TENM3: variants seen among roughly 807,000 people sequenced by gnomAD.
TENM3 encodes the protein teneurin-3.
In TENM3, 63 loss-of-function variants were observed where a neutral mutation model predicts 255.1. The observed-to-expected ratio is 0.25, with a 90% confidence interval of 0.20 to 0.30. The LOEUF is 0.30. Ranked by LOEUF, TENM3 falls within the 10% of genes least tolerant of loss-of-function variation. The pLI, the probability that TENM3 is intolerant of heterozygous loss-of-function variation, is 1.00. For missense variants in TENM3, 2,929 were observed against 3,461.1 expected (o/e 0.85, Z 3.86); for synonymous variants, 1,306 against 1,322.3 (o/e 0.99, Z 0.27).
the TENM3 span, among the ~76,000 whole-genome samples, chr4:181,593,297 C>T: frequency 1.3e-5 from 2 of 152,100 alleles, no homozygotes; most frequent in Non-Finnish European, 2.9e-5. Flanking sequence ...CTGGACGCTT[C>T]CTAGGTTTTT....
intron 22 of TENM3, among the ~76,000 whole-genome samples, chr4:182,759,991 C>A (rs950225837): frequency 4.6e-5 from 7 of 152,140 alleles, no homozygotes; most frequent in African/African-American, 1.7e-4. Context: ...GTTTATAACT[C>A]AGCTTTGAAA....
chr4:182,752,114 A>G, intron 20 of TENM3, 82 bp downstream of exon 20: 5 of 892,078 alleles, frequency 5.6e-6, no homozygotes, highest in Non-Finnish European at 8.3e-6. Context: ...TTTAGTGCCT[A>G]GTCATGTTTA....
chr4:182,604,357 TAA>T (rs1748207237), intron 4 of TENM3, among the ~76,000 whole-genome samples: 1 of 152,246 alleles, frequency 6.6e-6, no homozygotes, highest in Non-Finnish European at 1.5e-5. Flanking sequence ...TCCCTATGTA[TAA>T]TACCAAGTGC....
the TENM3 span, among the ~76,000 whole-genome samples, chr4:181,899,768 A>G: frequency 6.6e-6 from 1 of 151,948 alleles, no homozygotes; most frequent in Non-Finnish European, 1.5e-5. Context: ...GGGTTTCACC[A>G]TGTTGGCCAG....
intron 1 of TENM3, among the ~76,000 whole-genome samples, chr4:182,199,154 T>G (rs1175553086): frequency 6.6e-6 from 1 of 152,256 alleles, no homozygotes; most frequent in African/African-American, 2.4e-5. Context: ...TGATCAGTAC[T>G]ATACCTGAAG....
chr4:181,751,446 G>A, the TENM3 span, among the ~76,000 whole-genome samples: 12 of 147,584 alleles, frequency 8.1e-5, no homozygotes, highest in South Asian at 2.1e-4. Context: ...AGAAACTGCC[G>A]TTTTCCCAGT....
At chr4:181,448,117 C>A in the TENM3 span, among the ~76,000 whole-genome samples, 1 of 147,148 alleles carries the variant, frequency 6.8e-6, no homozygotes, top group Non-Finnish European at 1.5e-5. Context: ...TAGCTGTTAT[C>A]AAGTGTCCAG....
At position 182,357,180 on chromosome 4, in the gene TENM3, G is replaced by A. The variant is rs371894448; in HGVS notation, c.511+10251G>A. On this transcript the variant is annotated intron_variant, in intron 3 of 27. Coordinates refer to ENST00000511685, the MANE Select transcript of TENM3 (RefSeq NM_001080477.4). ...GTGAACAGTGCCTCAATAAACATAC[G>A]TGTGCATGTGTCTTTATAGCAGCAT... Among the ~76,000 whole-genome samples the A allele has an allele frequency of 2.9e-3, 443 of 151,998 alleles. 1 individual carries two copies. The highest frequency in any genetic ancestry group is 1.0e-2 in the African/African-American group (414 of 41,454).
At chr4:181,960,954 T>C in the TENM3 span, among the ~76,000 whole-genome samples, 1 of 152,106 alleles carries the variant, frequency 6.6e-6, no homozygotes, top group African/African-American at 2.4e-5. Context: ...CCATTGCAGA[T>C]TGCTAATGGT....
chr4:181,656,861 G>T, the TENM3 span, among the ~76,000 whole-genome samples: 1 of 152,200 alleles, frequency 6.6e-6, no homozygotes, highest in Non-Finnish European at 1.5e-5. Flanking sequence ...AGCTAAAATA[G>T]ATTTGAGCTT....
In TENM3 at chr4:182,751,866, C is replaced by T; in HGVS notation, c.3696C>T (p.Asp1232=). 6.2e-7 allele frequency: 1 copy of T among 1,613,898 alleles called. No homozygotes were observed. The highest frequency in any genetic ancestry group is 2.2e-5 in the East Asian group (1 of 44,868). Residue 1232 remains aspartate, a synonymous_variant, in exon 20 of 28, where the codon GAC becomes GAT. Transcript: ENST00000511685. ...TCACGGGAGATCTGTACGTTTCTGA[C>T]ACAAACACCCGCAGAATTTATCGCC... ...DPVTGDLYVS[D]TNTRRIYRPK...
the TENM3 span, among the ~76,000 whole-genome samples, chr4:182,083,150 A>G: frequency 6.6e-6 from 1 of 152,350 alleles, no homozygotes; most frequent in African/African-American, 2.4e-5. Flanking sequence ...CTACAACTTA[A>G]TTAAATTATC....
intron 1 of TENM3, among the ~76,000 whole-genome samples, chr4:182,255,693 C>T (rs1418797172): frequency 6.6e-6 from 1 of 152,204 alleles, no homozygotes; most frequent in East Asian, 1.9e-4. Context: ...CCTGGGAGGT[C>T]ACACAGCCTG....
the TENM3 span, among the ~76,000 whole-genome samples, chr4:181,537,739 C>T: frequency 1.2e-4 from 18 of 152,298 alleles, no homozygotes; most frequent in Admixed American, 7.8e-4. Context: ...TAACAAGAGA[C>T]GGTGGCTAAG....
At chr4:181,468,245 G>T in the TENM3 span, among the ~76,000 whole-genome samples, 12 of 152,208 alleles carry the variant, frequency 7.9e-5, no homozygotes, top group African/African-American at 2.4e-4. Context: ...CTGCACTCCA[G>T]CCTGGGCCAC....
intron 4 of TENM3, among the ~76,000 whole-genome samples, chr4:182,618,978 A>C (rs772595437): frequency 6.6e-6 from 1 of 152,176 alleles, no homozygotes; most frequent in Non-Finnish European, 1.5e-5. Flanking sequence ...AGAGTAATTA[A>C]AAATTACCCA....
the TENM3 span, among the ~76,000 whole-genome samples, chr4:182,023,446 C>T: frequency 6.6e-6 from 1 of 152,126 alleles, no homozygotes; most frequent in Non-Finnish European, 1.5e-5. Context: ...TTTTTCCTCT[C>T]CTCCTGGAAC....
chr4:181,622,297 T>A, the TENM3 span, among the ~76,000 whole-genome samples: 1 of 152,174 alleles, frequency 6.6e-6, no homozygotes, highest in Non-Finnish European at 1.5e-5. Context: ...TGGATTGTAC[T>A]CACCAAACAC....
At chr4:182,129,510 A>G in the TENM3 span, among the ~76,000 whole-genome samples, 1 of 152,150 alleles carries the variant, frequency 6.6e-6, no homozygotes, top group Non-Finnish European at 1.5e-5. Flanking sequence ...ATATCAGCAG[A>G]ACCACCTGGC....
Sources: gnomAD v4.1 joint callset for allele counts (sites outside exome capture counted in the v4.1 genomes callset) on GRCh38, gnomAD v4.1.1 for gene constraint, MANE v1.5 for transcripts, NCBI Gene and HGNC (gene_info 2026-07-23, HGNC 2026-07-21) for gene names.